NCAPD3: variants seen among roughly 807,000 people sequenced by gnomAD.
NCAPD3 encodes the protein non-SMC condensin II complex subunit D3.
In NCAPD3, 105 loss-of-function variants were observed where a neutral mutation model predicts 182.9. The ratio of observed to expected loss-of-function variants is 0.57; its 90% confidence interval spans 0.49 to 0.68. The LOEUF (loss-of-function observed/expected upper bound fraction) is 0.68, where lower values mean the gene tolerates loss of function less well. Among genes scored for constraint, NCAPD3 ranks in the 30% least tolerant of loss-of-function variants. NCAPD3 has a pLI of 0.00. For synonymous variants in NCAPD3, 815 were observed against 679.9 expected (o/e 1.20, Z -3.09); for missense variants, 1,944 against 1,837.0 (o/e 1.06, Z -1.07).
intron 27 of NCAPD3, among the ~76,000 whole-genome samples, chr11:134,165,119 G>C (rs907356392): frequency 3.3e-5 from 5 of 151,516 alleles, no homozygotes; most frequent in Admixed American, 6.6e-5. Flanking sequence ...ACACTCACTT[G>C]TGAGATGAGC....
intron 8 of NCAPD3, 52 bp downstream of exon 8, chr11:134,206,547 A>C: frequency 1.2e-6 from 2 of 1,601,136 alleles, no homozygotes; most frequent in African/African-American, 2.7e-5. Flanking sequence ...TGCAGGGCCC[A>C]GAGTACTGAG....
rs562738416 is a variant in NCAPD3, at chr11:134,174,235, T to C, written c.3101+2072A>G. 2.2e-4 allele frequency among the ~76,000 whole-genome samples: 33 copies of C among 151,254 alleles called. No individual in the cohort carries two copies. In the South Asian group the frequency reaches 6.0e-3, roughly 28 times the overall value. On this transcript the variant is annotated intron_variant, in intron 24 of 34. Coordinates refer to ENST00000534548, the MANE Select transcript of NCAPD3 (RefSeq NM_015261.3). ...TGTCTCTACAAAAAAGTACAAAAAC[T>C]AGCCGAGTATGGTGGCATGCACCTG... is the stretch of plus-strand genomic sequence containing the variant.
chr11:134,198,840 T>C (rs1279272321), intron 13 of NCAPD3, among the ~76,000 whole-genome samples: 1 of 152,204 alleles, frequency 6.6e-6, no homozygotes, highest in Non-Finnish European at 1.5e-5. Flanking sequence ...GAGAGCAATT[T>C]AATTTGCAAT....
rs544195866 is a variant in NCAPD3 at position 134,206,614 on chromosome 11, G to A, written c.1001C>T (p.Ala334Val). 37 of 1,613,036 alleles carry A rather than the reference G, an allele frequency of 2.3e-5. No individual in the cohort carries two copies. Among genetic ancestry groups the A allele is most frequent in the Middle Eastern group, 1.6e-4 (1 of 6,084 alleles). Reference sequence around the variant, plus strand: ...TGTGCTTCACCTGATAAACTGGACCGCCTGGTTTCTACAGTTGATGACTTG... The same window carrying A: ...TGTGCTTCACCTGATAAACTGGACCACCTGGTTTCTACAGTTGATGACTTG... The part of the protein sequence containing the change: ...TSQVINCRNQ[A>V]VQFISALVDE... Residue 334 changes from alanine (A) to valine (V), a missense_variant, in exon 8 of 35, where the codon GCG (alanine) becomes GTG (valine). Physicochemically the swap from Ala to Val is moderately conservative, Grantham distance 64. This residue lies in a region of NCAPD3 where 1,803 missense variants were observed against 1,674.6 expected (regional missense o/e 1.08). Transcript: ENST00000534548.
chr11:134,179,280 C>T (rs1409100693), intron 20 of NCAPD3, among the ~76,000 whole-genome samples: 2 of 152,072 alleles, frequency 1.3e-5, no homozygotes, highest in Non-Finnish European at 1.5e-5. Flanking sequence ...CCAGAGACAC[C>T]ATTATTGTTT....
At chr11:134,213,160 G>C (rs1313251190) in intron 3 of NCAPD3, among the ~76,000 whole-genome samples, 1 of 152,068 alleles carries the variant, frequency 6.6e-6, no homozygotes, top group Non-Finnish European at 1.5e-5. Context: ...GCGAGACCCT[G>C]TCTCTACAAA....
chr11:134,177,756 G>T, intron 22 of NCAPD3: 1 of 365,302 alleles, frequency 2.7e-6, no homozygotes. Flanking sequence ...CCCTTACCTG[G>T]AAAATGATCA....
intron 32 of NCAPD3, among the ~76,000 whole-genome samples, chr11:134,155,168 C>T (rs1014439668): frequency 1.3e-5 from 2 of 152,154 alleles, no homozygotes; most frequent in African/African-American, 4.8e-5. Flanking sequence ...CAGTTAAAAT[C>T]CTCGCTCTGA....
At chr11:134,162,218 C>T (rs1943603060) in intron 27 of NCAPD3, among the ~76,000 whole-genome samples, 1 of 152,212 alleles carries the variant, frequency 6.6e-6, no homozygotes, top group South Asian at 2.1e-4. Context: ...GACCTTGGCT[C>T]TTGCTCCACC....
intron 24 of NCAPD3, among the ~76,000 whole-genome samples, chr11:134,171,944 C>T (rs116495119): frequency 0.011 from 1,626 of 152,300 alleles, 26 homozygotes; most frequent in African/African-American, 0.036. Context: ...CAAATGTTCA[C>T]GGCATGTCTG....
At chr11:134,180,218 A>C (rs1944264964) in intron 20 of NCAPD3, among the ~76,000 whole-genome samples, 1 of 152,262 alleles carries the variant, frequency 6.6e-6, no homozygotes, top group Admixed American at 6.5e-5. Context: ...CGTGCACAGT[A>C]GTGCCTCAGG....
chr11:134,188,720 G>A (rs945355480), intron 16 of NCAPD3, among the ~76,000 whole-genome samples: 8 of 152,114 alleles, frequency 5.3e-5, no homozygotes, highest in South Asian at 2.1e-4. Context: ...CCGAACATCT[G>A]AAGGAACAAA....
At chr11:134,222,954 AG>A (rs1238215500) in intron 1 of NCAPD3, 2 of 159,180 alleles carry the variant, frequency 1.3e-5, no homozygotes, top group African/African-American at 4.8e-5. Context: ...TTGACAGATC[AG>A]AAAACAGGGG....
chr11:134,155,984 A>G (rs186452454), intron 32 of NCAPD3, among the ~76,000 whole-genome samples: 1 of 152,340 alleles, frequency 6.6e-6, no homozygotes, highest in East Asian at 1.9e-4. Context: ...TAGCTAGAAT[A>G]CAGCAGGTGC....
chr11:134,165,463 A>ATTTG (rs1943748498), intron 27 of NCAPD3, among the ~76,000 whole-genome samples: 2 of 136,404 alleles, frequency 1.5e-5, no homozygotes, highest in African/African-American at 5.6e-5. Context: ...TGGCACACTC[A>ATTTG]TGAGATGAGC....
intron 1 of NCAPD3, 96 bp downstream of exon 1, chr11:134,223,767 C>A: frequency 6.9e-7 from 1 of 1,447,454 alleles, no homozygotes; most frequent in Non-Finnish European, 9.5e-7. Context: ...CGCCCCCACC[C>A]CGCCCCCACC....
chr11:134,165,996 G>C (rs556655513), intron 27 of NCAPD3, among the ~76,000 whole-genome samples: 2 of 130,306 alleles, frequency 1.5e-5, no homozygotes, highest in African/African-American at 6.0e-5. Context: ...CTTAGGGAGA[G>C]CAGCACACTC....
In NCAPD3 at chr11:134,150,701, C is replaced by G. The variant is rs749893130; in HGVS notation, c.*2243G>C. 1 of 151,804 alleles carries G rather than the reference C, an allele frequency of 6.6e-6. No homozygotes were observed. Among genetic ancestry groups the G allele is most frequent in the African/African-American group, 2.4e-5 (1 of 41,272 alleles). The allele number at this position is 151,804 out of a possible 1,614,324, so 9.4% of individuals were successfully genotyped here. A position where few individuals can be genotyped will look rare whatever the true frequency, so the allele number is the denominator to read the frequency against. On this transcript the variant is annotated 3_prime_UTR_variant, in exon 35 of 35. Coordinates refer to ENST00000534548, the MANE Select transcript of NCAPD3 (RefSeq NM_015261.3). ...GATTGTCTAAGGCCAAAGGCAATTGCGAAATCAAGTCTGTCAAGTACAATA... is the reference window on the plus strand; with the variant it reads ...GATTGTCTAAGGCCAAAGGCAATTGGGAAATCAAGTCTGTCAAGTACAATA...
chr11:134,153,338 T>C lies in NCAPD3; in HGVS notation c.4278A>G (p.Gly1426=). Residue 1426 remains glycine (G), a synonymous_variant, in exon 33 of 35, where the codon GGA becomes GGG. Coordinates refer to ENST00000534548, the MANE Select transcript of NCAPD3 (RefSeq NM_015261.3). ...GTGTCCCGATGTAACTGACCCCTGC[T>C]CCAAACGTGACATCACTGATGCTCT... ...PEKSISDVTF[G]AGVSYIGTPR... The C allele has an allele frequency of 1.2e-6, 2 of 1,614,118 alleles. No homozygotes were observed. Among genetic ancestry groups the C allele is most frequent in the Admixed American group, 1.7e-5 (1 of 60,020 alleles).
Sources: gnomAD v4.1 joint callset for allele counts (sites outside exome capture counted in the v4.1 genomes callset) on GRCh38, gnomAD v4.1.1 for gene constraint, gnomAD v4.1.1 regional missense constraint, MANE v1.5 for transcripts, NCBI Gene and HGNC (gene_info 2026-07-23, HGNC 2026-07-21) for gene names.